The following FIS1 variants were observed in gnomAD, a reference collection of about 807,000 sequenced individuals.
The protein encoded by FIS1 is mitochondrial fission 1 protein.
FIS1 carries 16 observed loss-of-function variants against 21.6 expected under a neutral mutation model. That is an observed-to-expected ratio of 0.74 (90% CI 0.50 to 1.12). The LOEUF (loss-of-function observed/expected upper bound fraction) is 1.12, where lower values mean the gene tolerates loss of function less well. Among genes scored for constraint, FIS1 ranks in the 50% most tolerant of loss-of-function variants. FIS1 has a pLI of 0.00. For missense variants in FIS1, 198 were observed against 190.9 expected, an observed-to-expected ratio of 1.04 and a Z score of -0.22; for synonymous variants, 92 against 82.2, an observed-to-expected ratio of 1.12 and a Z score of -0.65.
chr7:101,244,949 C>G lies in FIS1; in HGVS notation c.45+11G>C. On this transcript the variant is annotated intron_variant, in intron 1 of 4. Transcript: ENST00000223136. ...GACCTTCCCTTTCCCTCTGTCCGGG[C>G]CAGGCCTCACCAGCAGGTCCTCCAC... is the stretch of plus-strand genomic sequence containing the variant. 6.2e-7 allele frequency: 1 copy of G among 1,614,070 alleles called. No individual in the cohort carries two copies. Among genetic ancestry groups the G allele is most frequent in the Non-Finnish European group, 8.5e-7 (1 of 1,179,962 alleles).
chr7:101,244,631 C>T, intron 1 of FIS1: 1 of 473,706 alleles, frequency 2.1e-6, no homozygotes, highest in South Asian at 2.7e-5. Context: ...TAGGTGACAC[C>T]TTATGATGGT....
In FIS1 at chr7:101,239,538, G is replaced by C; in HGVS notation, c.*268C>G. 1.9e-6 allele frequency: 1 copy of C among 536,122 alleles called. No homozygotes were observed. Among genetic ancestry groups the C allele is most frequent in the African/African-American group, 1.9e-5 (1 of 52,810 alleles). The allele number at this position is 536,122 out of a possible 1,614,324, so 33.2% of individuals were successfully genotyped here. On this transcript the variant is annotated 3_prime_UTR_variant, in exon 5 of 5. Transcript: ENST00000223136. ...AACCTGGAGGGCAGGGGCAGGAGAGGACCAGGAGTGACGTCTCCGCCCCCT... is the reference window on the plus strand; with the variant it reads ...AACCTGGAGGGCAGGGGCAGGAGAGCACCAGGAGTGACGTCTCCGCCCCCT...
chr7:101,242,166 T>A (rs1357010338), intron 2 of FIS1, among the ~76,000 whole-genome samples: 1 of 152,170 alleles, frequency 6.6e-6, no homozygotes, highest in African/African-American at 2.4e-5. Context: ...CTTCAAGCCA[T>A]CCTCTGGCCT....
intron 4 of FIS1, 56 bp downstream of exon 4, chr7:101,240,086 C>T: frequency 6.3e-7 from 1 of 1,583,622 alleles, no homozygotes; most frequent in Non-Finnish European, 8.7e-7. Flanking sequence ...ACAGAGAGAC[C>T]AAAGTGCCCA....
chr7:101,240,363 A>G lies in FIS1; in HGVS notation c.256-116T>C, dbSNP rs1056103052. ...GCCCACGCTGGACGGCAGCGTCGCA[A>G]TCACAGCCCACTGCAACCTCAAACT... On this transcript the variant is annotated intron_variant, in intron 3 of 4. Transcript: ENST00000223136. 38 of 984,190 alleles carry G rather than the reference A, an allele frequency of 3.9e-5. No homozygotes were observed. In the Admixed American group the frequency reaches 9.0e-4, roughly 23 times the overall value. The allele number at this position is 984,190 out of a possible 1,614,324, so 61.0% of individuals were successfully genotyped here.
chr7:101,240,141 C>A lies in FIS1; in HGVS notation c.361+1G>T. The stretch of plus-strand genomic sequence containing the variant: ...CTGAACAAAGGGGCCGAGGCTGTCA[C>A]CTTTCTTCATGGCCTTGTCAATGAG... On this transcript the variant is annotated splice_donor_variant, in intron 4 of 4. Transcript: ENST00000223136. LOFTEE classifies it high-confidence loss of function. 6.2e-7 allele frequency: 1 copy of A among 1,614,078 alleles called. No homozygotes were observed. The highest frequency in any genetic ancestry group is 8.5e-7 in the Non-Finnish European group (1 of 1,179,978).
intron 2 of FIS1, among the ~76,000 whole-genome samples, chr7:101,243,163 G>A (rs1798770643): frequency 6.6e-6 from 1 of 152,180 alleles, no homozygotes; most frequent in Non-Finnish European, 1.5e-5. Context: ...CACTGACTGT[G>A]TGCTTATAAA....
At position 101,240,230 on chromosome 7, in the gene FIS1, T is replaced by C. The variant is rs1470997020; in HGVS notation, c.273A>G (p.Leu91=). The change falls in exon 4 of 5, where the codon TTA becomes TTG. Residue 91 remains leucine (L), a synonymous_variant. Transcript: ENST00000223136. ...NYRLKEYEKA[L]KYVRGLLQTE... The stretch of plus-strand genomic sequence containing the variant: ...TCTGCAGCAACCCGCGGACGTACTT[T>C]AAGGCCTTCTCGTATTCCTGCGCTC... 2 of 1,614,078 alleles carry C rather than the reference T, an allele frequency of 1.2e-6. No homozygotes were observed. Among genetic ancestry groups the C allele is most frequent in the Admixed American group, 3.3e-5 (2 of 60,004 alleles).
Position 101,239,643 on chromosome 7 carries a change from T to G in FIS1, c.*163A>C. The G allele has an allele frequency of 1.5e-6, 1 of 682,830 alleles. No homozygotes were observed. Among genetic ancestry groups the G allele is most frequent in the Non-Finnish European group, 2.7e-6 (1 of 375,772 alleles). 42.3% of individuals were successfully genotyped at this position (682,830 alleles called of 1,614,324 possible). On this transcript the variant is annotated 3_prime_UTR_variant, in exon 5 of 5. Coordinates refer to ENST00000223136, the MANE Select transcript of FIS1 (RefSeq NM_016068.3). ...AGCCACAGCCCCGTTTTATTTACAC[T>G]CATCCCAAAGCACATGATGGGGCTG... is the stretch of plus-strand genomic sequence containing the variant.
intron 2 of FIS1, among the ~76,000 whole-genome samples, chr7:101,242,708 C>T (rs1243235571): frequency 1.3e-5 from 2 of 151,842 alleles, no homozygotes; most frequent in Non-Finnish European, 1.5e-5. Context: ...AGGCTGGTCT[C>T]GAACCCCTGA....
At chr7:101,243,824 C>CCACCATTGGCT (rs1798778525) in intron 2 of FIS1, among the ~76,000 whole-genome samples, 183 bp downstream of exon 2, 1 of 152,206 alleles carries the variant, frequency 6.6e-6, no homozygotes, top group African/African-American at 2.4e-5. Flanking sequence ...TGACATGCTA[C>CCACCATTGGCT]ACTCTGTCTG....
intron 2 of FIS1, among the ~76,000 whole-genome samples, chr7:101,242,071 C>G (rs1017454400): frequency 3.3e-5 from 5 of 152,158 alleles, no homozygotes; most frequent in African/African-American, 9.7e-5. Flanking sequence ...TCCCAAGTAG[C>G]TGGGACTATA....
intron 1 of FIS1, 146 bp downstream of exon 1, chr7:101,244,814 A>T: frequency 1.1e-6 from 1 of 941,748 alleles, no homozygotes; most frequent in Non-Finnish European, 1.6e-6. Flanking sequence ...TCCGGGCAGG[A>T]GCCAGGCGCT....
At chr7:101,242,337 T>A (rs1798761353) in intron 2 of FIS1, among the ~76,000 whole-genome samples, 1 of 152,176 alleles carries the variant, frequency 6.6e-6, no homozygotes, top group Admixed American at 6.5e-5. Flanking sequence ...GTCTGTACTG[T>A]TTTCTCAACT....
rs1798718233 is a variant in FIS1, at chr7:101,240,034, T to C, written c.361+108A>G. 4.9e-6 allele frequency: 7 copies of C among 1,430,200 alleles called. No individual in the cohort carries two copies. The South Asian group carries it at 7.0e-5, about 14-fold the overall frequency. 88.6% of individuals were successfully genotyped at this position (1,430,200 alleles called of 1,614,324 possible). On this transcript the variant is annotated intron_variant, in intron 4 of 4. Transcript: ENST00000223136. ...TCGCAGGGCAAGGGGCTCTAAGAACTGGAAGGGGTGGGGCTGAGGGGCTGC... is the reference window on the plus strand; with the variant it reads ...TCGCAGGGCAAGGGGCTCTAAGAACCGGAAGGGGTGGGGCTGAGGGGCTGC...
rs1201655514 is a variant in FIS1 at position 101,245,011 on chromosome 7, T to G, written c.-7A>C. The G allele has an allele frequency of 4.2e-5, 67 of 1,613,730 alleles. No individual in the cohort carries two copies. The highest frequency in any genetic ancestry group is 5.3e-5 in the Non-Finnish European group (62 of 1,179,896). ...CGTTCAGCACGGCCTCCATGGCCAC[T>G]GCCCCCGCGAGCCTCACACTACAGT... On this transcript the variant is annotated 5_prime_UTR_variant, in exon 1 of 5. Coordinates refer to ENST00000223136, the MANE Select transcript of FIS1 (RefSeq NM_016068.3).
chr7:101,239,723 G>A lies in FIS1; in HGVS notation c.*83C>T, dbSNP rs199617344. On this transcript the variant is annotated 3_prime_UTR_variant, in exon 5 of 5. Transcript: ENST00000223136. ...GCTGAAGGCCACAGAGGATAGAGAC[G>A]GGGGGCAGGGGGAGAACAGGGAAAG... 1.6e-3 allele frequency: 1,843 copies of A among 1,161,292 alleles called. 4 individuals carry two copies. Among genetic ancestry groups the A allele is most frequent in the Non-Finnish European group, 2.0e-3 (1,573 of 790,932 alleles). The allele number at this position is 1,161,292 out of a possible 1,614,324, so 71.9% of individuals were successfully genotyped here.
chr7:101,241,100 G>C (rs1040136154), intron 2 of FIS1, 194 bp from the exon 3 acceptor site: 2 of 604,456 alleles, frequency 3.3e-6, no homozygotes, highest in African/African-American at 3.7e-5. Context: ...CCCCAGCTGT[G>C]CCAACACCCC....
rs377379097 is a variant in FIS1, at chr7:101,239,923, G to A, written c.362-20C>T. The A allele has an allele frequency of 1.3e-6, 2 of 1,581,298 alleles. No homozygotes were observed. The highest frequency in any genetic ancestry group is 2.7e-5 in the African/African-American group (2 of 74,274). ...GTCCATCTGGGGAAGGAAAGGGACA[G>A]TGTCAGGAGCCCGGCCCCTGCGGAA... On this transcript the variant is annotated intron_variant, in intron 4 of 4. Transcript: ENST00000223136.
Sources: allele counts gnomAD v4.1 joint callset (sites outside exome capture counted in the v4.1 genomes callset), GRCh38; gene constraint gnomAD v4.1.1; transcripts MANE v1.5; gene names NCBI Gene and HGNC (gene_info 2026-07-23, HGNC 2026-07-21).